GPHN: variants seen among roughly 807,000 people sequenced by gnomAD.
The protein encoded by GPHN is gephyrin.
In GPHN, 17 loss-of-function variants were observed where a neutral mutation model predicts 95.5. That is an observed-to-expected ratio of 0.18 (90% CI 0.12 to 0.27). The LOEUF (loss-of-function observed/expected upper bound fraction) is 0.27. GPHN is among the 10% of genes least tolerant of loss of function. The pLI is 1.00. For synonymous variants in GPHN, 320 were observed against 322.5 expected (o/e 0.99, Z 0.08); for missense variants, 660 against 978.1 (o/e 0.67, Z 4.34).
chr14:67,066,781 G>A (rs952218889), intron 11 of GPHN, among the ~76,000 whole-genome samples: 3 of 152,166 alleles, frequency 2.0e-5, no homozygotes, highest in African/African-American at 7.2e-5. Flanking sequence ...AGCTACATCA[G>A]GTCACTTAAG....
intron 5 of GPHN, among the ~76,000 whole-genome samples, chr14:66,888,083 C>G (rs572023686): frequency 6.6e-6 from 1 of 151,822 alleles, no homozygotes. Context: ...TTCTGAGAAA[C>G]GAAAAAACAG....
intron 18 of GPHN, among the ~76,000 whole-genome samples, chr14:67,158,890 A>T (rs2081788202): frequency 6.6e-6 from 1 of 152,126 alleles, no homozygotes; most frequent in Non-Finnish European, 1.5e-5. Context: ...AATCTAAGTA[A>T]TCTGTGGGCA....
intron 18 of GPHN, among the ~76,000 whole-genome samples, chr14:67,154,471 A>G (rs1026050691): frequency 3.9e-5 from 6 of 152,180 alleles, no homozygotes; most frequent in Non-Finnish European, 5.9e-5. Context: ...GTCAGGGACT[A>G]TGTCTTTCTT....
the GPHN span, chr14:67,587,018 G>C: frequency 6.5e-7 from 1 of 1,533,294 alleles, no homozygotes; most frequent in Non-Finnish European, 8.8e-7. Context: ...AAGTAAGAAA[G>C]CCAGGATTCA....
intron 2 of GPHN, among the ~76,000 whole-genome samples, chr14:66,703,941 A>T (rs1443992006): frequency 2.0e-5 from 3 of 151,300 alleles, no homozygotes; most frequent in African/African-American, 7.3e-5. Flanking sequence ...ATGGAGGAAA[A>T]TACACCAAGC....
the GPHN span, among the ~76,000 whole-genome samples, chr14:67,522,871 G>A: frequency 6.6e-6 from 1 of 152,188 alleles, no homozygotes; most frequent in East Asian, 1.9e-4. Context: ...CCACCTTCAG[G>A]AAAGGCTGCA....
chr14:66,860,749 AGT>A (rs1324789950), intron 4 of GPHN, among the ~76,000 whole-genome samples: 2 of 152,076 alleles, frequency 1.3e-5, no homozygotes, highest in African/African-American at 4.8e-5. Flanking sequence ...ACACAATTAA[AGT>A]GTAGCATTTT....
chr14:67,474,738 G>A, the GPHN span, among the ~76,000 whole-genome samples: 797 of 152,050 alleles, frequency 5.2e-3, 10 homozygotes, highest in Non-Finnish European at 4.2e-3. Flanking sequence ...CTCAGCCCCT[G>A]GCAACCACTA....
At chr14:67,630,969 TG>T in the GPHN span, among the ~76,000 whole-genome samples, 2 of 152,178 alleles carry the variant, frequency 1.3e-5, no homozygotes, top group Non-Finnish European at 2.9e-5. Flanking sequence ...GAAGAATGAA[TG>T]TTGGGTAACT....
the GPHN span, chr14:67,301,516 A>G: frequency 1.1e-5 from 15 of 1,377,432 alleles, no homozygotes; most frequent in Admixed American, 1.9e-5. Context: ...GCATTCTTCT[A>G]TTTTTTTAAA....
the GPHN span, chr14:67,386,436 G>A: frequency 6.6e-6 from 1 of 152,190 alleles, no homozygotes; most frequent in African/African-American, 2.4e-5. Context: ...CCAAGCATTT[G>A]TACTTGGCAG....
chr14:67,293,829 G>T, the GPHN span, among the ~76,000 whole-genome samples: 2 of 152,296 alleles, frequency 1.3e-5, no homozygotes, highest in Non-Finnish European at 1.5e-5. Flanking sequence ...CTTTTAGGAG[G>T]AAGGTTTGTC....
At chr14:66,710,977 T>C (rs891768419) in intron 2 of GPHN, among the ~76,000 whole-genome samples, 1 of 152,216 alleles carries the variant, frequency 6.6e-6, no homozygotes. Context: ...CACATATACC[T>C]TACTAGAATA....
chr14:67,647,736 C>A, the GPHN span: 1 of 233,034 alleles, frequency 4.3e-6, no homozygotes, highest in Non-Finnish European at 8.3e-6. Flanking sequence ...GTGAAGAAAT[C>A]TCTCTATTGA....
the GPHN span, among the ~76,000 whole-genome samples, chr14:67,660,793 A>G: frequency 7.9e-5 from 12 of 152,226 alleles, no homozygotes; most frequent in African/African-American, 2.9e-4. Context: ...CTGAGTTTGG[A>G]GAAAACAAGT....
At chr14:66,737,474 G>A (rs551702402) in intron 2 of GPHN, among the ~76,000 whole-genome samples, 5 of 152,166 alleles carry the variant, frequency 3.3e-5, no homozygotes, top group African/African-American at 1.2e-4. Context: ...CCAATCCAAG[G>A]TAGACAGGCA....
the GPHN span, among the ~76,000 whole-genome samples, chr14:67,527,612 T>A: frequency 1.3e-5 from 2 of 152,236 alleles, no homozygotes; most frequent in Non-Finnish European, 2.9e-5. Flanking sequence ...TTGGTGAAGT[T>A]GCTTCTATTC....
chr14:67,081,592 T>A (rs2076698823), intron 11 of GPHN, among the ~76,000 whole-genome samples: 1 of 152,180 alleles, frequency 6.6e-6, no homozygotes, highest in Non-Finnish European at 1.5e-5. Flanking sequence ...TGCAGAAACT[T>A]TTTAGATTAA....
At chr14:67,099,005 C>A (rs1020429570) in intron 12 of GPHN, among the ~76,000 whole-genome samples, 1 of 151,902 alleles carries the variant, frequency 6.6e-6, no homozygotes, top group African/African-American at 2.4e-5. Context: ...AGAAAATTAT[C>A]ATTTGCTCTG....
Sources: gnomAD v4.1 joint callset for allele counts (sites outside exome capture counted in the v4.1 genomes callset) on GRCh38, gnomAD v4.1.1 for gene constraint, MANE v1.5 for transcripts, NCBI Gene and HGNC (gene_info 2026-07-23, HGNC 2026-07-21) for gene names.